The following MGRN1 variants were observed in gnomAD, a reference collection of about 807,000 sequenced individuals.
MGRN1 encodes the protein E3 ubiquitin-protein ligase MGRN1.
In MGRN1, 29 loss-of-function variants were observed where a neutral mutation model predicts 69.2. The observed-to-expected ratio is 0.42, with a 90% CI of 0.31 to 0.57. The LOEUF is 0.57. MGRN1 is among the 20% of genes least tolerant of loss of function. MGRN1 has a pLI of 0.15. For missense variants in MGRN1, 998 were observed against 796.2 expected (o/e 1.25, Z -3.05); for synonymous variants, 470 against 344.2 (o/e 1.37, Z -4.04).
chr16:4,633,107 G>A (rs573452127), intron 1 of MGRN1, among the ~76,000 whole-genome samples: 26 of 151,776 alleles, frequency 1.7e-4, no homozygotes, highest in Non-Finnish European at 2.8e-4. Context: ...ATAAAATTTG[G>A]CCGGGTGCAG....
At position 4,673,533 on chromosome 16, in the gene MGRN1, G is replaced by T; in HGVS notation, c.831G>T (p.Glu277Asp). 6.2e-7 allele frequency: 1 copy of T among 1,613,652 alleles called. No individual in the cohort carries two copies. The highest frequency in any genetic ancestry group is 1.1e-5 in the South Asian group (1 of 91,064). Residue 277 changes from glutamate (E) to aspartate (D), a missense_variant, in exon 10 of 17, where the codon GAG (glutamate) becomes GAT (aspartate). By Grantham distance (45) the Glu-to-Asp change is conservative. Coordinates refer to ENST00000262370, the MANE Select transcript of MGRN1 (RefSeq NM_015246.4). ...ACGAGAACAGCGACAACAGCAACGAGTGTGTGGTGTGCCTGTCCGACCTGC... is the reference window on the plus strand; with the variant it reads ...ACGAGAACAGCGACAACAGCAACGATTGTGTGGTGTGCCTGTCCGACCTGC... The part of the protein sequence containing the change: ...SDDENSDNSN[E>D]CVVCLSDLRD...
chr16:4,658,253 T>G (rs1466023425), intron 5 of MGRN1, among the ~76,000 whole-genome samples: 1 of 150,932 alleles, frequency 6.6e-6, no homozygotes, highest in Non-Finnish European at 1.5e-5. Context: ...AGACCTTGTG[T>G]GGCCGGGCGC....
chr16:4,670,277 C>G (rs1054515092), intron 8 of MGRN1, among the ~76,000 whole-genome samples: 2 of 151,216 alleles, frequency 1.3e-5, no homozygotes, highest in Admixed American at 6.6e-5. Flanking sequence ...GAGTCTCACT[C>G]TGTCGCCGAG....
At chr16:4,626,197 G>A (rs1897669979) in intron 1 of MGRN1, among the ~76,000 whole-genome samples, 1 of 152,254 alleles carries the variant, frequency 6.6e-6, no homozygotes, top group Non-Finnish European at 1.5e-5. Context: ...AACCAGCACA[G>A]TTTGGGGGCA....
At chr16:4,638,853 C>A (rs886413290) in intron 1 of MGRN1, among the ~76,000 whole-genome samples, 1 of 152,184 alleles carries the variant, frequency 6.6e-6, no homozygotes, top group Non-Finnish European at 1.5e-5. Context: ...CGGGTGGGAA[C>A]GATGGCTGAG....
chr16:4,652,370 A>G (rs1295273606), intron 3 of MGRN1, among the ~76,000 whole-genome samples: 3 of 152,064 alleles, frequency 2.0e-5, no homozygotes, highest in African/African-American at 7.2e-5. Flanking sequence ...GCCCCCCCAC[A>G]GACAGGAATG....
chr16:4,660,698 C>T (rs1236043362), intron 5 of MGRN1, among the ~76,000 whole-genome samples: 1 of 152,234 alleles, frequency 6.6e-6, no homozygotes, highest in African/African-American at 2.4e-5. Context: ...CTCCCCATTT[C>T]CGGGCTTCAT....
intron 3 of MGRN1, 128 bp from the exon 4 acceptor site, chr16:4,652,550 A>G (rs1004758882): frequency 8.2e-6 from 10 of 1,214,656 alleles, no homozygotes; most frequent in Admixed American, 2.9e-5. Context: ...AACAGCCCCT[A>G]TGTCTACTGG....
At chr16:4,664,995 G>C (rs1251391691) in intron 6 of MGRN1, 107 bp from the exon 7 acceptor site, 8 of 1,353,368 alleles carry the variant, frequency 5.9e-6, no homozygotes, top group South Asian at 2.4e-5. Flanking sequence ...TATGGACTCT[G>C]TGCAGGCTGA....
rs73521432 is a variant in MGRN1 at position 4,686,419 on chromosome 16, G to A, written c.1619-2377G>A. The A allele has an allele frequency of 1.2e-3, 1,774 of 1,451,966 alleles. 16 individuals are homozygous for A. The African/African-American group carries it at 0.023, about 19-fold the overall frequency. The allele number at this position is 1,451,966 out of a possible 1,614,324, so 89.9% of individuals were successfully genotyped here. ...GGTTTTTGGGTCTTCGTCCGCATCC[G>A]CATCTTCCCAGGGGCCCTGGATTCC... On this transcript the variant is annotated intron_variant, in intron 16 of 16. Coordinates refer to ENST00000262370, the MANE Select transcript of MGRN1 (RefSeq NM_015246.4).
At position 4,625,031 on chromosome 16, in the gene MGRN1, G is replaced by C. The variant is rs768014980; in HGVS notation, c.71G>C (p.Arg24Pro). Residue 24 changes from arginine (R) to proline (P), a missense_variant, in exon 1 of 17, where the codon CGC becomes CCC. Transcript: ENST00000262370. The stretch of plus-strand genomic sequence containing the variant: ...GACATCCAGGCGAACTCGGCCTATC[G>C]CTACCCTCCGAAGTCCGGTGAGCGC... ...DIDIQANSAY[R>P]YPPKSGNYFA... The C allele has an allele frequency of 3.2e-6, 5 of 1,552,192 alleles. No individual in the cohort carries two copies. The East Asian group carries it at 1.3e-4, about 42-fold the overall frequency.
chr16:4,640,188 G>T (rs958122565), intron 1 of MGRN1: 1 of 152,318 alleles, frequency 6.6e-6, no homozygotes, highest in Non-Finnish European at 1.5e-5. Flanking sequence ...CACAAGACGG[G>T]CCCAGAAGGC....
At chr16:4,627,953 A>ATG (rs1567162640) in intron 1 of MGRN1, among the ~76,000 whole-genome samples, 1 of 140,248 alleles carries the variant, frequency 7.1e-6, no homozygotes, top group Admixed American at 7.4e-5. Flanking sequence ...GGTGGCGGGC[A>ATG]CCTGTAGTCC....
intron 16 of MGRN1, chr16:4,686,280 C>A (rs901868895): frequency 5.2e-6 from 8 of 1,544,922 alleles, no homozygotes; most frequent in Non-Finnish European, 7.0e-6. Flanking sequence ...GACTCCTGCT[C>A]TGTTGGTATA....
chr16:4,647,948 G>A (rs1448612310), intron 1 of MGRN1, among the ~76,000 whole-genome samples: 3 of 152,098 alleles, frequency 2.0e-5, no homozygotes, highest in Admixed American at 6.5e-5. Flanking sequence ...GTTGGGGCCC[G>A]GCTGGTCTTG....
chr16:4,672,353 A>AC, intron 9 of MGRN1: 1 of 456,670 alleles, frequency 2.2e-6, no homozygotes, highest in South Asian at 1.5e-5. Context: ...TGGTCGATGA[A>AC]CTTGTTAAAA....
At chr16:4,664,259 C>T (rs1028341426) in intron 5 of MGRN1, 1 of 234,840 alleles carries the variant, frequency 4.3e-6, no homozygotes, top group African/African-American at 2.3e-5. Context: ...TACCTAGACA[C>T]AGAAGGTCAC....
At chr16:4,657,173 C>T (rs1428921464) in intron 4 of MGRN1, 73 bp from the exon 5 acceptor site, 18 of 1,402,760 alleles carry the variant, frequency 1.3e-5, no homozygotes, top group East Asian at 2.3e-5. Flanking sequence ...TTCCAGCTGT[C>T]GGAGTGGGAG....
rs77250941 is a variant in MGRN1 at position 4,682,978 on chromosome 16, C to G, written c.1482+32C>G. The G allele has an allele frequency of 4.0e-6, 6 of 1,512,108 alleles. No homozygotes were observed. The African/African-American group carries it at 7.0e-5, about 18-fold the overall frequency. 93.7% of individuals were successfully genotyped at this position (1,512,108 alleles called of 1,614,324 possible). A position where few individuals can be genotyped will look rare whatever the true frequency, so the allele number is the denominator to read the frequency against. ...CCCCCCCGGGGAAGCTTTGCGCACC[C>G]GCCCGGGCCAGCCCTCCTCCAGCTT... On this transcript the variant is annotated intron_variant, in intron 14 of 16. Coordinates refer to ENST00000262370, the MANE Select transcript of MGRN1 (RefSeq NM_015246.4).
Sources: gnomAD v4.1 joint callset for allele counts (sites outside exome capture counted in the v4.1 genomes callset) on GRCh38, gnomAD v4.1.1 for gene constraint, MANE v1.5 for transcripts, NCBI Gene and HGNC (gene_info 2026-07-23, HGNC 2026-07-21) for gene names.